Variants in WDR59 observed in about 807,000 individuals in gnomAD.
WDR59 encodes the protein WD repeat domain 59, also known as GATOR2 complex protein WDR59.
A neutral mutation model predicts 131.2 loss-of-function variants in WDR59; 100 were observed. The observed-to-expected ratio is 0.76, with a 90% CI of 0.65 to 0.90. The LOEUF (loss-of-function observed/expected upper bound fraction) is 0.90. Among genes scored for constraint, WDR59 ranks in the 40% least tolerant of loss-of-function variants. The pLI is 0.00. For synonymous variants in WDR59, 601 were observed against 466.2 expected (o/e 1.29, Z -3.72); for missense variants, 1,203 against 1,262.2 (o/e 0.95, Z 0.71).
chr16:74,956,308 C>T (rs961920854), intron 3 of WDR59, among the ~76,000 whole-genome samples, 167 bp downstream of exon 3: 3 of 152,186 alleles, frequency 2.0e-5, no homozygotes, highest in Non-Finnish European at 2.9e-5. Flanking sequence ...AGCATTCCCA[C>T]GTATATTTAA....
At chr16:74,918,877 C>G (rs901258986) in intron 10 of WDR59, among the ~76,000 whole-genome samples, 1 of 152,140 alleles carries the variant, frequency 6.6e-6, no homozygotes, top group Non-Finnish European at 1.5e-5. Context: ...CTCTGCATCA[C>G]CACCTTCAAC....
intron 18 of WDR59, among the ~76,000 whole-genome samples, chr16:74,901,008 A>T (rs1339948499): frequency 6.6e-6 from 1 of 152,214 alleles, no homozygotes; most frequent in African/African-American, 2.4e-5. Context: ...CTAAGGCAGG[A>T]GAATCGCTTG....
At chr16:74,978,093 C>G (rs1057318882) in intron 1 of WDR59, among the ~76,000 whole-genome samples, 1 of 151,794 alleles carries the variant, frequency 6.6e-6, no homozygotes, top group Non-Finnish European at 1.5e-5. Flanking sequence ...CAGTGGCTCA[C>G]GCCTGTAATC....
chr16:74,957,971 T>C (rs914868508), intron 2 of WDR59, among the ~76,000 whole-genome samples: 1 of 152,110 alleles, frequency 6.6e-6, no homozygotes, highest in African/African-American at 2.4e-5. Flanking sequence ...AAATATCACA[T>C]AGAATCTCTG....
intron 10 of WDR59, among the ~76,000 whole-genome samples, chr16:74,919,530 A>G (rs534732506): frequency 7.3e-5 from 11 of 150,372 alleles, no homozygotes; most frequent in Admixed American, 6.6e-4. Flanking sequence ...TTTGGTAGAG[A>G]TGGGGTTTCA....
chr16:74,969,488 G>C (rs1597811680), intron 1 of WDR59, among the ~76,000 whole-genome samples: 1 of 152,016 alleles, frequency 6.6e-6, no homozygotes, highest in Non-Finnish European at 1.5e-5. Flanking sequence ...AGCCAGGATG[G>C]TCTCAATCTC....
intron 4 of WDR59, among the ~76,000 whole-genome samples, chr16:74,951,223 C>T (rs530908591): frequency 2.0e-5 from 3 of 151,594 alleles, no homozygotes; most frequent in East Asian, 3.9e-4. Flanking sequence ...TATATCCATC[C>T]GGGATATGGT....
At position 74,942,687 on chromosome 16, in the gene WDR59, C is replaced by A. The variant is rs756765659; in HGVS notation, c.534+51G>T. On this transcript the variant is annotated intron_variant, in intron 7 of 25. Coordinates refer to ENST00000262144, the MANE Select transcript of WDR59 (RefSeq NM_030581.4). The stretch of plus-strand genomic sequence containing the variant: ...TGGCACTCATAAAATCATCTTCACA[C>A]CCTCTGGGAGGGATCAAAGACCAAT... 1.9e-6 allele frequency: 3 copies of A among 1,581,004 alleles called. No individual in the cohort carries two copies. The South Asian group carries it at 3.3e-5, about 18-fold the overall frequency.
chr16:74,887,898 A>C, intron 22 of WDR59, 143 bp from the exon 23 acceptor site: 1 of 910,098 alleles, frequency 1.1e-6, no homozygotes, highest in Non-Finnish European at 1.7e-6. Context: ...AAGGTGGAAC[A>C]CCTGAGGTCA....
intron 3 of WDR59, among the ~76,000 whole-genome samples, chr16:74,952,371 G>A (rs1251098190): frequency 3.3e-5 from 5 of 150,320 alleles, no homozygotes; most frequent in Non-Finnish European, 5.9e-5. Context: ...GAGCCTGGGA[G>A]GTCGAGGCAA....
chr16:74,955,682 G>C (rs980157584), intron 3 of WDR59, among the ~76,000 whole-genome samples: 3 of 152,150 alleles, frequency 2.0e-5, no homozygotes, highest in Admixed American at 6.6e-5. Flanking sequence ...TTGCTCAGTT[G>C]CTTTCCTTCT....
intron 1 of WDR59, among the ~76,000 whole-genome samples, chr16:74,983,888 A>G (rs1168696912): frequency 1.3e-5 from 2 of 150,116 alleles, no homozygotes; most frequent in South Asian, 2.1e-4. Context: ...CTGAGGTGGG[A>G]GGATAGCTTG....
In WDR59 at chr16:74,981,141, G is replaced by A. The variant is rs988921450; in HGVS notation, c.54+3823C>T. Among the ~76,000 whole-genome samples the A allele has an allele frequency of 9.2e-5, 14 of 151,590 alleles. No individual in the cohort carries two copies. In the South Asian group the frequency reaches 1.9e-3, roughly 20 times the overall value. On this transcript the variant is annotated intron_variant, in intron 1 of 25. Transcript: ENST00000262144. Reference sequence around the variant, plus strand: ...AGCACTTTGGGAGGCTGAGGCGGGCGGATCACAAGGTCAGGAGATCGAGAC... The same window carrying A: ...AGCACTTTGGGAGGCTGAGGCGGGCAGATCACAAGGTCAGGAGATCGAGAC...
chr16:74,905,983 G>A (rs1044292622), intron 17 of WDR59, among the ~76,000 whole-genome samples: 7 of 151,980 alleles, frequency 4.6e-5, no homozygotes, highest in Admixed American at 2.0e-4. Context: ...GAAGCTGCTC[G>A]ACATCATTCA....
At chr16:74,884,373 G>C (rs1227493280) in intron 25 of WDR59, among the ~76,000 whole-genome samples, 1 of 152,250 alleles carries the variant, frequency 6.6e-6, no homozygotes, top group Admixed American at 6.5e-5. Context: ...TTTTGAGACA[G>C]AGTCTCGCTC....
In WDR59 at chr16:74,880,719, G is replaced by C. The variant is rs376679529; in HGVS notation, c.2689+4934C>G. Among the ~76,000 whole-genome samples, 16 of 152,278 alleles carry C rather than the reference G, an allele frequency of 1.1e-4. No homozygotes were observed. In the South Asian group the frequency reaches 1.9e-3, roughly 18 times the overall value. On this transcript the variant is annotated intron_variant, in intron 25 of 25. Transcript: ENST00000262144. ...GATAGAGGTGAAATGAATCATTCTT[G>C]GGTCCTAACGGACAAACTAATGAAG...
rs764358897 is a variant in WDR59 at position 74,874,338 on chromosome 16, C to T, written c.2796G>A (p.Arg932=). Reference sequence around the variant, plus strand: ...AGGTCAGGCAGAAATTGGACGATCCCCGCACAGCCACGTGACAGATGGCAC... The same window carrying T: ...AGGTCAGGCAGAAATTGGACGATCCTCGCACAGCCACGTGACAGATGGCAC... The part of the protein sequence containing the change: ...FQCAICHVAV[R]GSSNFCLTCG... The change falls in exon 26 of 26, where the codon CGG becomes CGA. Residue 932 remains arginine (R), a synonymous_variant. Transcript: ENST00000262144. 54 of 1,614,046 alleles carry T rather than the reference C, an allele frequency of 3.3e-5. No individual in the cohort carries two copies. In the Admixed American group the frequency reaches 4.2e-4, roughly 12 times the overall value.
At chr16:74,876,677 AAGG>A (rs1432622874) in intron 25 of WDR59, among the ~76,000 whole-genome samples, 1 of 152,138 alleles carries the variant, frequency 6.6e-6, no homozygotes, top group Non-Finnish European at 1.5e-5. Context: ...GACAATTTCT[AAGG>A]AGATCTAAAT....
At chr16:74,938,918 T>A (rs1213120195) in intron 7 of WDR59, among the ~76,000 whole-genome samples, 1 of 151,876 alleles carries the variant, frequency 6.6e-6, no homozygotes, top group African/African-American at 2.4e-5. Flanking sequence ...GACATCCAAA[T>A]GGACTCAGCT....
Sources: gnomAD v4.1 joint callset for allele counts (sites outside exome capture counted in the v4.1 genomes callset) on GRCh38, gnomAD v4.1.1 for gene constraint, MANE v1.5 for transcripts, NCBI Gene and HGNC (gene_info 2026-07-23, HGNC 2026-07-21) for gene names.